The following ATP13A4 variants were observed in gnomAD, a reference collection of about 807,000 sequenced individuals.
The protein encoded by ATP13A4 is probable cation-transporting ATPase 13A4.
A neutral mutation model predicts 142.5 loss-of-function variants in ATP13A4; 114 were observed. The observed-to-expected ratio is 0.80, with a 90% CI of 0.69 to 0.93. The LOEUF is 0.93. Among genes scored for constraint, ATP13A4 ranks in the 40% least tolerant of loss-of-function variants. The pLI is 0.00. For synonymous variants in ATP13A4, 488 were observed against 514.8 expected, an observed-to-expected ratio of 0.95 and a Z score of 0.70; for missense variants, 1,392 against 1,454.0, an observed-to-expected ratio of 0.96 and a Z score of 0.69.
chr3:193,507,840 G>A (rs1020158224), intron 2 of ATP13A4, among the ~76,000 whole-genome samples: 1 of 152,090 alleles, frequency 6.6e-6, no homozygotes, highest in Non-Finnish European at 1.5e-5. Context: ...CTCACAAGGA[G>A]ATAGGTATTA....
At chr3:193,488,172 G>A (rs1191676661) in intron 7 of ATP13A4, among the ~76,000 whole-genome samples, 1 of 152,198 alleles carries the variant, frequency 6.6e-6, no homozygotes, top group Non-Finnish European at 1.5e-5. Flanking sequence ...GCTGAGGCAG[G>A]AGAATTGCTT....
intron 7 of ATP13A4, 139 bp from the exon 8 acceptor site, chr3:193,484,144 C>CTAAG (rs2108658834): frequency 2.8e-6 from 2 of 706,782 alleles, no homozygotes; most frequent in South Asian, 3.2e-5. Context: ...AAACAAAGGA[C>CTAAG]TAAGTACTCA....
At chr3:193,461,513 C>T (rs1039384054) in intron 13 of ATP13A4, among the ~76,000 whole-genome samples, 4 of 152,168 alleles carry the variant, frequency 2.6e-5, no homozygotes, top group Admixed American at 1.3e-4. Flanking sequence ...CTTTCAGAGG[C>T]CTCTTCTGTA....
At chr3:193,449,886 G>A (rs953211765) in intron 17 of ATP13A4, among the ~76,000 whole-genome samples, 2 of 152,074 alleles carry the variant, frequency 1.3e-5, no homozygotes, top group Admixed American at 6.6e-5. Context: ...TTGGGAGGCC[G>A]AGGTGGACGG....
chr3:193,524,054 C>T (rs981192435), intron 1 of ATP13A4, among the ~76,000 whole-genome samples: 1 of 152,188 alleles, frequency 6.6e-6, no homozygotes, highest in African/African-American at 2.4e-5. Context: ...AATGTGGCTG[C>T]CAACTTTGGA....
intron 1 of ATP13A4, among the ~76,000 whole-genome samples, chr3:193,545,880 A>C (rs1209193929): frequency 6.6e-6 from 1 of 152,104 alleles, no homozygotes. Flanking sequence ...TTCCTTGACC[A>C]AAAAATTCAC....
At chr3:193,591,796 T>C (rs1724799798) in intron 1 of ATP13A4, among the ~76,000 whole-genome samples, 2 of 152,196 alleles carry the variant, frequency 1.3e-5, no homozygotes, top group Non-Finnish European at 2.9e-5. Flanking sequence ...ATTTTTCTTT[T>C]TTGTTGTTGT....
At chr3:193,425,527 T>TA (rs1028445157) in intron 25 of ATP13A4, among the ~76,000 whole-genome samples, 2 of 151,622 alleles carry the variant, frequency 1.3e-5, no homozygotes, top group South Asian at 2.1e-4. Flanking sequence ...TATTGAGCCT[T>TA]AAAAAAACAA....
At chr3:193,497,792 T>C (rs780855785) in intron 3 of ATP13A4, among the ~76,000 whole-genome samples, 1 of 152,058 alleles carries the variant, frequency 6.6e-6, no homozygotes, top group Non-Finnish European at 1.5e-5. Flanking sequence ...TTTGAAGAGA[T>C]GTGAAATGAA....
Position 193,511,546 on chromosome 3 carries a change from CTT to C in ATP13A4, c.234+3150_234+3151del, listed in dbSNP as rs558483122. Among the ~76,000 whole-genome samples the C allele has an allele frequency of 3.7e-4, 57 of 152,290 alleles. 1 individual carries two copies. The highest frequency in any genetic ancestry group is 1.9e-3 in the South Asian group (9 of 4,822). ...GGGTGCACCTTGTGCATAGCAAGCT[CTT>C]TTGTATAGAACACTTTTGGAATGGC... On this transcript the variant is annotated intron_variant, in intron 2 of 29. Transcript: ENST00000342695.
chr3:193,455,163 C>G (rs1560199012), intron 16 of ATP13A4, among the ~76,000 whole-genome samples: 1 of 151,778 alleles, frequency 6.6e-6, no homozygotes, highest in Non-Finnish European at 1.5e-5. Context: ...ACGGTGAAAC[C>G]CCGTCTCTAC....
Position 193,483,926 on chromosome 3 carries a change from T to C in ATP13A4, c.808+10A>G. 1.3e-6 allele frequency: 2 copies of C among 1,572,182 alleles called. No individual in the cohort carries two copies. The highest frequency in any genetic ancestry group is 2.2e-5 in the East Asian group (1 of 44,620). The stretch of plus-strand genomic sequence containing the variant: ...TGAATAGCATATAGATCTAAAATAA[T>C]GGAACTTACCTTTTCTCCCACATAC... On this transcript the variant is annotated intron_variant, in intron 8 of 29. Transcript: ENST00000342695.
intron 12 of ATP13A4, among the ~76,000 whole-genome samples, chr3:193,463,479 T>C (rs1486020442): frequency 6.7e-6 from 1 of 148,798 alleles, no homozygotes; most frequent in East Asian, 2.0e-4. Context: ...TGCAATATTA[T>C]GGTTAAGAAT....
At chr3:193,491,844 C>T (rs868626437) in intron 5 of ATP13A4, among the ~76,000 whole-genome samples, 1 of 152,082 alleles carries the variant, frequency 6.6e-6, no homozygotes, top group South Asian at 2.1e-4. Context: ...TGGAAAACTT[C>T]AGAATGTATT....
chr3:193,454,242 G>A (rs774535187), intron 16 of ATP13A4, 30 bp from the exon 17 acceptor site: 8 of 1,518,994 alleles, frequency 5.3e-6, no homozygotes, highest in Middle Eastern at 1.7e-4. Flanking sequence ...GGGTTAGTAC[G>A]CAGTTATTTG....
chr3:193,541,031 C>T (rs542845631), intron 1 of ATP13A4, among the ~76,000 whole-genome samples: 7 of 152,100 alleles, frequency 4.6e-5, no homozygotes, highest in South Asian at 2.1e-4. Context: ...GGGCAAATCG[C>T]GAGGTCAGGA....
intron 25 of ATP13A4, among the ~76,000 whole-genome samples, chr3:193,418,252 G>C (rs1473041791): frequency 1.4e-5 from 2 of 143,188 alleles, no homozygotes; most frequent in African/African-American, 5.3e-5. Flanking sequence ...CGAGGGGCCA[G>C]AGCCTGCAGT....
intron 2 of ATP13A4, among the ~76,000 whole-genome samples, chr3:193,569,461 A>C (rs758856663): frequency 2.0e-5 from 3 of 152,184 alleles, no homozygotes; most frequent in Non-Finnish European, 2.9e-5. Context: ...ATTTTGAATA[A>C]ATTATCAACT....
chr3:193,508,367 G>T (rs967388867), intron 2 of ATP13A4, among the ~76,000 whole-genome samples: 14 of 152,166 alleles, frequency 9.2e-5, no homozygotes, highest in Admixed American at 2.0e-4. Context: ...TCACAATGCT[G>T]CCTCTGTAGA....
Sources: allele counts gnomAD v4.1 joint callset (sites outside exome capture counted in the v4.1 genomes callset), GRCh38; gene constraint gnomAD v4.1.1; transcripts MANE v1.5; gene names NCBI Gene and HGNC (gene_info 2026-07-23, HGNC 2026-07-21).